Variants in TENM2 observed in about 807,000 individuals in gnomAD.
The protein encoded by TENM2 is teneurin transmembrane protein 2, also known as teneurin-2.
In TENM2, 52 loss-of-function variants were observed where a neutral mutation model predicts 245.2. That is an observed-to-expected ratio of 0.21 (90% CI 0.17 to 0.27). The LOEUF (loss-of-function observed/expected upper bound fraction) is 0.27, where lower values mean the gene tolerates loss of function less well. TENM2 is among the 10% of genes least tolerant of loss of function. TENM2 has a pLI of 1.00. For synonymous variants in TENM2, 1,363 were observed against 1,438.9 expected (o/e 0.95, Z 1.19); for missense variants, 3,046 against 3,666.8 (o/e 0.83, Z 4.37).
intron 2 of TENM2, among the ~76,000 whole-genome samples, chr5:167,522,675 A>G (rs1770842746): frequency 6.6e-6 from 1 of 152,160 alleles, no homozygotes; most frequent in Non-Finnish European, 1.5e-5. Flanking sequence ...GATAGCATAG[A>G]GGAAAAATGA....
the TENM2 span, among the ~76,000 whole-genome samples, chr5:167,049,265 G>T: frequency 6.6e-5 from 10 of 152,246 alleles, no homozygotes; most frequent in Admixed American, 4.6e-4. Context: ...CGCCCTCTAG[G>T]CACTTTTATT....
intron 1 of TENM2, among the ~76,000 whole-genome samples, chr5:167,296,743 T>C (rs1035420265): frequency 6.6e-6 from 1 of 152,234 alleles, no homozygotes; most frequent in Non-Finnish European, 1.5e-5. Context: ...TTTCATTTAA[T>C]GCTTGCACTC....
chr5:167,779,031 T>C (rs1398328005), intron 2 of TENM2, among the ~76,000 whole-genome samples: 1 of 152,224 alleles, frequency 6.6e-6, no homozygotes, highest in African/African-American at 2.4e-5. Flanking sequence ...GAGTCCTTTA[T>C]TGTGGTACAG....
At chr5:167,104,801 A>G in the TENM2 span, among the ~76,000 whole-genome samples, 2 of 152,368 alleles carry the variant, frequency 1.3e-5, no homozygotes, top group Admixed American at 1.3e-4. Context: ...GCTTATCAGT[A>G]GAACTCCACC....
chr5:168,003,425 A>G (rs1415167246), intron 5 of TENM2, among the ~76,000 whole-genome samples: 1 of 152,064 alleles, frequency 6.6e-6, no homozygotes, highest in Non-Finnish European at 1.5e-5. Context: ...GATGAAATTA[A>G]GTCAAGAAGT....
chr5:168,136,241 A>T (rs1043867634), intron 12 of TENM2, among the ~76,000 whole-genome samples: 1 of 152,174 alleles, frequency 6.6e-6, no homozygotes, highest in Non-Finnish European at 1.5e-5. Flanking sequence ...AGTGTGTCCC[A>T]CAAATAAGGA....
rs552841033 is a variant in TENM2, at chr5:168,120,804, A to C, written c.2008+2318A>C. Among the ~76,000 whole-genome samples, 5 of 152,344 alleles carry C rather than the reference A, an allele frequency of 3.3e-5. 1 individual carries two copies. Among genetic ancestry groups the C allele is most frequent in the African/African-American group, 1.2e-4 (5 of 41,576 alleles). On this transcript the variant is annotated intron_variant, in intron 10 of 28. Coordinates refer to ENST00000518659, the Ensembl canonical transcript of TENM2. ...TATTTCTGATATTCGTCATAGTCAT[A>C]ACGTTCAAACAATTTACCTGAAATG...
chr5:167,805,662 A>G (rs1023921916), intron 2 of TENM2, among the ~76,000 whole-genome samples: 7 of 151,934 alleles, frequency 4.6e-5, no homozygotes, highest in Non-Finnish European at 1.0e-4. Flanking sequence ...CCTATGTTTT[A>G]TTTTTTCTTT....
intron 16 of TENM2, among the ~76,000 whole-genome samples, chr5:168,199,361 T>C (rs536465296): frequency 7.9e-4 from 121 of 152,246 alleles, no homozygotes; most frequent in Non-Finnish European, 1.6e-3. Context: ...ACAACATACA[T>C]ATGTGCAACC....
chr5:167,487,323 A>G (rs544986476), intron 2 of TENM2, among the ~76,000 whole-genome samples: 1 of 152,312 alleles, frequency 6.6e-6, no homozygotes, highest in South Asian at 2.1e-4. Flanking sequence ...AATCTAAACC[A>G]GAACTAGATA....
intron 23 of TENM2, among the ~76,000 whole-genome samples, chr5:168,224,182 C>T (rs1339900495): frequency 6.6e-6 from 1 of 152,208 alleles, no homozygotes; most frequent in African/African-American, 2.4e-5. Flanking sequence ...GGTAAGAAAG[C>T]ACAGAGGAGC....
At chr5:168,000,417 A>G (rs1784343865) in intron 5 of TENM2, among the ~76,000 whole-genome samples, 1 of 152,168 alleles carries the variant, frequency 6.6e-6, no homozygotes, top group Non-Finnish European at 1.5e-5. Flanking sequence ...GGTGTCAGAG[A>G]GGGCTGTGTT....
At chr5:167,663,141 G>GGAGAGAGAGAGAGAGAGAGA (rs544699415) in intron 2 of TENM2, among the ~76,000 whole-genome samples, 35 of 108,582 alleles carry the variant, frequency 3.2e-4, no homozygotes, top group Non-Finnish European at 4.7e-4. Flanking sequence ...ATGGGGATGG[G>GGAGAGAGAGAGAGAGAGAGA]GAGAGAGAGA....
At chr5:167,953,473 C>T (rs9284975) in intron 4 of TENM2, 18,442 of 152,986 alleles carry the variant, frequency 0.12, 1,669 homozygotes, top group African/African-American at 0.24. Flanking sequence ...TTTTCACCTT[C>T]GATTCTGTTC....
At chr5:167,038,605 G>C in the TENM2 span, among the ~76,000 whole-genome samples, 1 of 152,146 alleles carries the variant, frequency 6.6e-6, no homozygotes, top group Admixed American at 6.5e-5. Flanking sequence ...GATTAGAAAA[G>C]TTAGAGTTAG....
chr5:167,042,069 T>C, the TENM2 span, among the ~76,000 whole-genome samples: 4 of 152,138 alleles, frequency 2.6e-5, no homozygotes, highest in East Asian at 7.7e-4. Context: ...TCTTTATTGG[T>C]TTGAAATTTA....
chr5:167,131,114 C>T, the TENM2 span, among the ~76,000 whole-genome samples: 9 of 152,046 alleles, frequency 5.9e-5, no homozygotes, highest in Non-Finnish European at 8.8e-5. Flanking sequence ...CACAACGAAA[C>T]GCTTCCTGGC....
chr5:167,237,735 C>G, the TENM2 span, among the ~76,000 whole-genome samples: 1 of 151,702 alleles, frequency 6.6e-6, no homozygotes, highest in African/African-American at 2.4e-5. Flanking sequence ...GTGCTGTGGG[C>G]GGGGCCCGAT....
the TENM2 span, among the ~76,000 whole-genome samples, chr5:167,133,096 A>G: frequency 1.3e-5 from 2 of 152,224 alleles, no homozygotes; most frequent in Non-Finnish European, 2.9e-5. Flanking sequence ...CACAAGGCCA[A>G]ATGGATAGGC....
Sources: gnomAD v4.1 joint callset for allele counts (sites outside exome capture counted in the v4.1 genomes callset) on GRCh38, gnomAD v4.1.1 for gene constraint, MANE v1.5 for transcripts, NCBI Gene and HGNC (gene_info 2026-07-23, HGNC 2026-07-21) for gene names.